Variants in BCAR3 observed in about 807,000 individuals in gnomAD.
The protein encoded by BCAR3 is breast cancer anti-estrogen resistance protein 3.
In BCAR3, 37 loss-of-function variants were observed where a neutral mutation model predicts 80.1. That is an observed-to-expected ratio of 0.46 (90% CI 0.36 to 0.61). The LOEUF is 0.61. Among genes scored for constraint, BCAR3 ranks in the 20% least tolerant of loss-of-function variants. BCAR3 has a pLI of 0.00. For missense variants in BCAR3, 978 were observed against 1,068.2 expected, an observed-to-expected ratio of 0.92 and a Z score of 1.18; for synonymous variants, 389 against 418.9, an observed-to-expected ratio of 0.93 and a Z score of 0.87.
At chr1:93,844,012 A>C (rs1014288397) in intron 2 of BCAR3, among the ~76,000 whole-genome samples, 2 of 152,176 alleles carry the variant, frequency 1.3e-5, no homozygotes, top group Non-Finnish European at 2.9e-5. Context: ...CACTAACCAC[A>C]CAGTAACTTA....
chr1:93,679,494 T>C (rs1412393251), intron 1 of BCAR3, among the ~76,000 whole-genome samples: 1 of 152,202 alleles, frequency 6.6e-6, no homozygotes, highest in Non-Finnish European at 1.5e-5. Context: ...ATGCAGTCTT[T>C]AGAAAAAAGC....
At chr1:93,690,479 G>C (rs1649150455) in intron 3 of BCAR3, among the ~76,000 whole-genome samples, 1 of 152,198 alleles carries the variant, frequency 6.6e-6, no homozygotes. Context: ...TCCTTGCCCA[G>C]GTCATATAGC....
intron 2 of BCAR3, among the ~76,000 whole-genome samples, chr1:93,706,419 C>G (rs963997352): frequency 9.2e-5 from 14 of 152,048 alleles, no homozygotes; most frequent in Non-Finnish European, 1.8e-4. Flanking sequence ...CCCTTATTTG[C>G]CAGGGAAGTC....
intron 2 of BCAR3, among the ~76,000 whole-genome samples, chr1:93,733,442 C>T (rs994241846): frequency 2.6e-5 from 4 of 152,092 alleles, no homozygotes; most frequent in African/African-American, 7.2e-5. Flanking sequence ...AGGAGGGTTG[C>T]GCTGGGGGTA....
intron 3 of BCAR3, among the ~76,000 whole-genome samples, chr1:93,609,337 C>T (rs528749817): frequency 1.7e-4 from 26 of 152,298 alleles, no homozygotes; most frequent in Non-Finnish European, 3.5e-4. Flanking sequence ...AGACCATGGC[C>T]ACTAGACTTA....
At chr1:93,648,825 G>A (rs1676231431) in intron 2 of BCAR3, 1 of 152,480 alleles carries the variant, frequency 6.6e-6, no homozygotes, top group South Asian at 2.1e-4. Context: ...CCTCCTCCAG[G>A]AAGCCCTCCC....
intron 2 of BCAR3, among the ~76,000 whole-genome samples, chr1:93,770,481 G>A (rs1652319315): frequency 2.0e-5 from 3 of 152,142 alleles, no homozygotes; most frequent in African/African-American, 7.2e-5. Flanking sequence ...ACTCTACTAG[G>A]AGGGAGCTCA....
At chr1:93,819,004 TATA>T (rs1365543861) in intron 2 of BCAR3, among the ~76,000 whole-genome samples, 1 of 152,176 alleles carries the variant, frequency 6.6e-6, no homozygotes, top group Admixed American at 6.5e-5. Context: ...AAATGTTTGT[TATA>T]ATAATGTTGA....
At chr1:93,731,787 A>G (rs1571080925) in intron 2 of BCAR3, among the ~76,000 whole-genome samples, 1 of 152,246 alleles carries the variant, frequency 6.6e-6, no homozygotes, top group Non-Finnish European at 1.5e-5. Flanking sequence ...TCTCCCAAAC[A>G]GTCCTTTTCA....
intron 3 of BCAR3, among the ~76,000 whole-genome samples, chr1:93,616,689 T>A (rs1412612128): frequency 1.3e-5 from 2 of 152,232 alleles, no homozygotes; most frequent in South Asian, 2.1e-4. Flanking sequence ...TTTCTGATGA[T>A]CTGGTGTGTG....
chr1:93,598,973 T>C (rs904588359), intron 3 of BCAR3: 2 of 151,900 alleles, frequency 1.3e-5, no homozygotes, highest in Non-Finnish European at 2.9e-5. Context: ...GGCTAAAGCA[T>C]GCGAAGGCAC....
chr1:93,819,384 A>C (rs17110535), intron 2 of BCAR3, among the ~76,000 whole-genome samples: 21,750 of 152,046 alleles, frequency 0.14, 2,545 homozygotes, highest in African/African-American at 0.31. Flanking sequence ...TTTTAAACTG[A>C]CTTTGCTAAC....
intron 3 of BCAR3, among the ~76,000 whole-genome samples, chr1:93,596,983 G>T (rs754952295): frequency 1.3e-5 from 2 of 152,124 alleles, no homozygotes; most frequent in Non-Finnish European, 2.9e-5. Flanking sequence ...TCATTCTAGG[G>T]ACCAAATCTA....
chr1:93,752,131 C>T (rs1651577590), intron 2 of BCAR3, among the ~76,000 whole-genome samples: 1 of 152,246 alleles, frequency 6.6e-6, no homozygotes, highest in Non-Finnish European at 1.5e-5. Context: ...TCTTCAAAGG[C>T]AGGCATGAAA....
At chr1:93,618,765 G>A (rs1234181585) in intron 3 of BCAR3, among the ~76,000 whole-genome samples, 2 of 152,184 alleles carry the variant, frequency 1.3e-5, no homozygotes, top group Non-Finnish European at 2.9e-5. Flanking sequence ...ACTATCTGAT[G>A]ATCTTGGCCT....
chr1:93,801,489 G>A (rs1469091536), intron 2 of BCAR3, among the ~76,000 whole-genome samples: 1 of 152,146 alleles, frequency 6.6e-6, no homozygotes, highest in Non-Finnish European at 1.5e-5. Context: ...TCCAAATATT[G>A]TCTAAAACCC....
At chr1:93,676,833 C>T (rs376349630) in intron 1 of BCAR3, among the ~76,000 whole-genome samples, 1 of 152,202 alleles carries the variant, frequency 6.6e-6, no homozygotes, top group African/African-American at 2.4e-5. Context: ...TAGGGCCACA[C>T]TGTTGATCAA....
intron 2 of BCAR3, among the ~76,000 whole-genome samples, chr1:93,841,862 T>C (rs1236261064): frequency 6.6e-6 from 1 of 152,206 alleles, no homozygotes; most frequent in African/African-American, 2.4e-5. Flanking sequence ...TTTGGCACCC[T>C]TTTAAACACT....
chr1:93,567,306 G>A lies in BCAR3; in HGVS notation c.2272C>T (p.Arg758Trp), dbSNP rs765980154. ...GCCAGGATCCTCTCAGCATTCATCC[G>A]GTAGCTGTCTGCAGCCTCGGCCATG... ...RFMAEAADSY[R>W]MNAERILAGF... The change falls in exon 11 of 12, where the codon CGG becomes TGG. Residue 758 changes from arginine to tryptophan, a missense_variant. By Grantham distance (101) the Arg-to-Trp change is moderately radical. Coordinates refer to ENST00000260502, the MANE Select transcript of BCAR3 (RefSeq NM_003567.4). 27 of 1,613,890 alleles carry A rather than the reference G, an allele frequency of 1.7e-5. No homozygotes were observed. Among genetic ancestry groups the A allele is most frequent in the African/African-American group, 2.7e-5 (2 of 74,886 alleles).
Sources: allele counts gnomAD v4.1 joint callset (sites outside exome capture counted in the v4.1 genomes callset), GRCh38; gene constraint gnomAD v4.1.1; transcripts MANE v1.5; gene names NCBI Gene and HGNC (gene_info 2026-07-23, HGNC 2026-07-21).